DEPDC4: variants seen among roughly 807,000 people sequenced by gnomAD.
The protein encoded by DEPDC4 is DEP domain containing 4.
In DEPDC4, 52 loss-of-function variants were observed where a neutral mutation model predicts 52.0. That is an observed-to-expected ratio of 1.00 (90% confidence interval 0.80 to 1.26). The LOEUF is 1.26. Among genes scored for constraint, DEPDC4 ranks in the 50% most tolerant of loss-of-function variants. The pLI, the probability that DEPDC4 is intolerant of heterozygous loss-of-function variation, is 0.00. For missense variants in DEPDC4, 530 were observed against 546.9 expected (o/e 0.97, Z 0.31); for synonymous variants, 201 against 196.8 (o/e 1.02, Z -0.18).
At chr12:100,259,354 A>T (rs2096245898) in intron 3 of DEPDC4, among the ~76,000 whole-genome samples, 1 of 152,198 alleles carries the variant, frequency 6.6e-6, no homozygotes, top group Non-Finnish European at 1.5e-5. Context: ...AATACCTGAT[A>T]CACCTGAGCA....
At chr12:100,269,033 A>G (rs1401744904), upstream of DEPDC4, among the ~76,000 whole-genome samples, 2 of 152,102 alleles carry the variant, frequency 1.3e-5, no homozygotes, top group Non-Finnish European at 2.9e-5. Flanking sequence ...GCTTGCATCT[A>G]CTGTGGTCTC....
In DEPDC4 at chr12:100,262,377, G is replaced by A. The variant is rs777922694; in HGVS notation, c.587C>T (p.Ala196Val). The change falls in exon 3 of 10, where the codon GCA becomes GTA. Residue 196 changes from alanine (A) to valine (V), a missense_variant. Physicochemically the swap from Ala to Val is moderately conservative, Grantham distance 64. Transcript: ENST00000550587. Reference sequence around the variant, plus strand: ...AATTCTTTCCTCACCAATCTCCTGTGCTAGAGGATTTGAAATCATTTCATA... The same window carrying A: ...AATTCTTTCCTCACCAATCTCCTGTACTAGAGGATTTGAAATCATTTCATA... Reference protein sequence around the residue: ...PGYEMISNPLAQEIGEERIEE... With the variant: ...PGYEMISNPLVQEIGEERIEE... The A allele has an allele frequency of 3.1e-6, 5 of 1,610,476 alleles. No individual in the cohort carries two copies. The Admixed American group carries it at 6.8e-5, about 22-fold the overall frequency.
At chr12:100,269,489 G>A (rs1310065188), upstream of DEPDC4, among the ~76,000 whole-genome samples, 1 of 150,392 alleles carries the variant, frequency 6.6e-6, no homozygotes, top group Non-Finnish European at 1.5e-5. Flanking sequence ...ATCTCCTGAT[G>A]TGTAAGTGCT....
intron 8 of DEPDC4, among the ~76,000 whole-genome samples, chr12:100,243,859 C>T (rs1269610912): frequency 6.6e-6 from 1 of 151,874 alleles, no homozygotes; most frequent in Non-Finnish European, 1.5e-5. Context: ...CTCTAATTGG[C>T]TCCACATATC....
intron 1 of DEPDC4, 122 bp from the exon 2 acceptor site, chr12:100,264,015 G>A: frequency 1.2e-6 from 1 of 831,846 alleles, no homozygotes; most frequent in Non-Finnish European, 1.9e-6. Context: ...CTTCTTACGT[G>A]TCATCTCACA....
At chr12:100,278,625 A>G in the DEPDC4 span, among the ~76,000 whole-genome samples, 1 of 147,202 alleles carries the variant, frequency 6.8e-6, no homozygotes, top group African/African-American at 2.6e-5. Context: ...AAATTTGGGG[A>G]AATTCTTTTT....
chr12:100,244,207 GTC>G (rs200072739), intron 8 of DEPDC4, among the ~76,000 whole-genome samples: 3,163 of 148,848 alleles, frequency 0.021, 116 homozygotes, highest in African/African-American at 0.075. Context: ...TTGAGACAGA[GTC>G]TCTCTCTGTC....
At chr12:100,246,860 C>T (rs1264170563) in intron 8 of DEPDC4, among the ~76,000 whole-genome samples, 1 of 152,066 alleles carries the variant, frequency 6.6e-6, no homozygotes, top group Non-Finnish European at 1.5e-5. Flanking sequence ...ATCACTTGAA[C>T]CCAGGAGGCG....
chr12:100,256,616 GTTT>G (rs140445041), intron 3 of DEPDC4, among the ~76,000 whole-genome samples: 1 of 149,144 alleles, frequency 6.7e-6, no homozygotes. Context: ...GTAGTTCATT[GTTT>G]TTTGTTTGTT....
intron 8 of DEPDC4, among the ~76,000 whole-genome samples, chr12:100,244,299 GC>G (rs2096175825): frequency 6.6e-6 from 1 of 150,788 alleles, no homozygotes; most frequent in Non-Finnish European, 1.5e-5. Flanking sequence ...TCCTGCCTCA[GC>G]CCCCCGAGTG....
chr12:100,255,927 T>G, intron 4 of DEPDC4, 122 bp downstream of exon 4: 2 of 650,796 alleles, frequency 3.1e-6, no homozygotes, highest in South Asian at 5.3e-5. Context: ...ATAATGATAA[T>G]TTATAAAAGA....
chr12:100,251,411 C>T (rs1305803733), intron 7 of DEPDC4, among the ~76,000 whole-genome samples: 1 of 152,114 alleles, frequency 6.6e-6, no homozygotes, highest in Non-Finnish European at 1.5e-5. Flanking sequence ...TTTACTAATG[C>T]TACTGCTACT....
In DEPDC4 at chr12:100,263,613, C is replaced by G. The variant is rs1468167900; in HGVS notation, c.438G>C (p.Lys146Asn). 6.2e-7 allele frequency: 1 copy of G among 1,614,044 alleles called. No individual in the cohort carries two copies. Among genetic ancestry groups the G allele is most frequent in the Non-Finnish European group, 8.5e-7 (1 of 1,180,004 alleles). Residue 146 changes from lysine (K) to asparagine (N), a missense_variant, in exon 2 of 10, where the codon AAG becomes AAC. Physicochemically the swap from Lys to Asn is moderately conservative, Grantham distance 94. Transcript: ENST00000550587. ...VGMKKLFKKE[K>N]ELEFEDSNIS... ...TGTTGGAATCTTCAAATTCTAATTCCTTTTCTTTTTTGAAAAGCTTCTTCA... is the reference window on the plus strand; with the variant it reads ...TGTTGGAATCTTCAAATTCTAATTCGTTTTCTTTTTTGAAAAGCTTCTTCA...
chr12:100,278,957 A>G, the DEPDC4 span, among the ~76,000 whole-genome samples: 51 of 151,924 alleles, frequency 3.4e-4, no homozygotes, highest in Non-Finnish European at 5.3e-4. Context: ...CTTTGTTCTT[A>G]TATGTAATTT....
At chr12:100,278,349 GAC>G in the DEPDC4 span, among the ~76,000 whole-genome samples, 1 of 151,596 alleles carries the variant, frequency 6.6e-6, no homozygotes, top group African/African-American at 2.4e-5. Flanking sequence ...ACAGTCAGAT[GAC>G]ACCATACCTG....
intron 3 of DEPDC4, among the ~76,000 whole-genome samples, chr12:100,257,995 AG>A (rs1242883118): frequency 6.6e-6 from 1 of 151,582 alleles, no homozygotes; most frequent in Non-Finnish European, 1.5e-5. Flanking sequence ...ATAGATAGAT[AG>A]ATAGATAGAT....
rs1180053596 is a variant in DEPDC4, at chr12:100,245,925, GGCA to G, written c.1453+2972_1453+2974del. 3.3e-5 allele frequency among the ~76,000 whole-genome samples: 5 copies of G among 151,660 alleles called. No individual in the cohort carries two copies. The East Asian group carries it at 7.8e-4, about 24-fold the overall frequency. On this transcript the variant is annotated intron_variant, in intron 8 of 9. Transcript: ENST00000550587. Reference sequence around the variant, plus strand: ...TAGTTTCAATTTCTGCTATCTCCTTGGCAGCAGTTTCTTATTTTATTTTATTTT... The same window carrying G: ...TAGTTTCAATTTCTGCTATCTCCTTGGCAGTTTCTTATTTTATTTTATTTT...
chr12:100,238,508 C>CTTTTT (rs374449171), downstream of DEPDC4, among the ~76,000 whole-genome samples: 2 of 107,296 alleles, frequency 1.9e-5, no homozygotes, highest in Non-Finnish European at 3.8e-5. Context: ...TAGCTTAGTG[C>CTTTTT]TTTTTTTTTT....
chr12:100,258,386 A>G (rs2096242257), intron 3 of DEPDC4, among the ~76,000 whole-genome samples: 1 of 152,172 alleles, frequency 6.6e-6, no homozygotes, highest in African/African-American at 2.4e-5. Flanking sequence ...AAGAGATCGG[A>G]ATTAGAACAG....
Sources: gnomAD v4.1 joint callset for allele counts (sites outside exome capture counted in the v4.1 genomes callset) on GRCh38, gnomAD v4.1.1 for gene constraint, MANE v1.5 for transcripts, NCBI Gene and HGNC (gene_info 2026-07-23, HGNC 2026-07-21) for gene names.